CLIC6: variants seen among roughly 807,000 people sequenced by gnomAD.
CLIC6 encodes CLIC family member 6.
A neutral mutation model predicts 49.2 loss-of-function variants in CLIC6; 39 were observed. The ratio of observed to expected loss-of-function variants is 0.79; its 90% CI spans 0.61 to 1.04. The LOEUF (loss-of-function observed/expected upper bound fraction) is 1.04. Among genes scored for constraint, CLIC6 ranks in the 50% least tolerant of loss-of-function variants. The pLI is 0.00. For synonymous variants in CLIC6, 446 were observed against 433.4 expected (o/e 1.03, Z -0.36); for missense variants, 988 against 993.1 (o/e 0.99, Z 0.07).
At chr21:34,709,729 A>G (rs1365123957) in intron 5 of CLIC6, among the ~76,000 whole-genome samples, 191 bp downstream of exon 5, 1 of 152,264 alleles carries the variant, frequency 6.6e-6, no homozygotes, top group Non-Finnish European at 1.5e-5. Context: ...GGGTGTTCTC[A>G]GAAAGTGCCT....
chr21:34,678,573 G>T (rs115036412), intron 1 of CLIC6, among the ~76,000 whole-genome samples: 2,376 of 152,236 alleles, frequency 0.016, 67 homozygotes, highest in African/African-American at 0.054. Flanking sequence ...AGAAAGAACT[G>T]GCAGGTTCTT....
chr21:34,707,837 G>A lies in CLIC6; in HGVS notation c.1485-107G>A, dbSNP rs911034967. On this transcript the variant is annotated intron_variant, in intron 2 of 5. Transcript: ENST00000349499. ...TCATAAACCCACCATCTACTTTGCA[G>A]TTCTCAAGAGTTGCTTCTCTTAAAC... The A allele has an allele frequency of 1.0e-5, 12 of 1,195,590 alleles. No individual in the cohort carries two copies. The African/African-American group carries it at 1.7e-4, about 17-fold the overall frequency. The allele number at this position is 1,195,590 out of a possible 1,614,324, so 74.1% of individuals were successfully genotyped here.
chr21:34,712,235 T>C (rs539085016), intron 5 of CLIC6, among the ~76,000 whole-genome samples: 1 of 152,256 alleles, frequency 6.6e-6, no homozygotes, highest in Admixed American at 6.5e-5. Context: ...TGAGAATCAA[T>C]CTAAGGGAAT....
intron 5 of CLIC6, among the ~76,000 whole-genome samples, chr21:34,711,521 A>AAACT (rs2056056337): frequency 7.5e-6 from 1 of 133,428 alleles, no homozygotes; most frequent in African/African-American, 2.9e-5. Flanking sequence ...TCTGTCAAAT[A>AAACT]AACAAACAAA....
chr21:34,699,525 A>G (rs1339134617), intron 1 of CLIC6, among the ~76,000 whole-genome samples: 1 of 151,016 alleles, frequency 6.6e-6, no homozygotes, highest in Non-Finnish European at 1.5e-5. Context: ...CGGCCTTCCC[A>G]AAGTGCTGAG....
intron 4 of CLIC6, among the ~76,000 whole-genome samples, 177 bp downstream of exon 4, chr21:34,708,983 T>C (rs1322923503): frequency 2.6e-5 from 4 of 152,194 alleles, no homozygotes; most frequent in African/African-American, 9.6e-5. Flanking sequence ...AGATGAATGC[T>C]TCTTTTGAGG....
At position 34,708,754 on chromosome 21, in the gene CLIC6, G is replaced by T. The variant is rs1442931107; in HGVS notation, c.1665G>T (p.Val555=). 3.1e-6 allele frequency: 5 copies of T among 1,614,184 alleles called. No individual in the cohort carries two copies. Among genetic ancestry groups the T allele is most frequent in the Non-Finnish European group, 4.2e-6 (5 of 1,180,016 alleles). Residue 555 remains valine, a synonymous_variant, in exon 4 of 6, where the codon GTG becomes GTT. Transcript: ENST00000349499. ...AATCTAATTCCGCAGGAAATGACGT[G>T]TTTGCCAAATTCTCAGCGTTTATAA... is the stretch of plus-strand genomic sequence containing the variant. ...HPESNSAGND[V]FAKFSAFIKN...
chr21:34,672,771 C>T (rs372840768), intron 1 of CLIC6, among the ~76,000 whole-genome samples: 7 of 152,168 alleles, frequency 4.6e-5, no homozygotes, highest in East Asian at 3.9e-4. Context: ...TGCCGTGTGA[C>T]CTTGGGCAAG....
At chr21:34,698,018 T>C (rs965634068) in intron 1 of CLIC6, among the ~76,000 whole-genome samples, 2 of 152,174 alleles carry the variant, frequency 1.3e-5, no homozygotes, top group African/African-American at 2.4e-5. Flanking sequence ...AGGAATCTCA[T>C]AGGCCTGTGA....
At chr21:34,671,360 G>A (rs973060843) in intron 1 of CLIC6, among the ~76,000 whole-genome samples, 1 of 152,146 alleles carries the variant, frequency 6.6e-6, no homozygotes, top group Non-Finnish European at 1.5e-5. Context: ...AGGGGGGAAT[G>A]GAGCCTTATT....
At chr21:34,691,030 T>C (rs949735590) in intron 1 of CLIC6, among the ~76,000 whole-genome samples, 1 of 152,168 alleles carries the variant, frequency 6.6e-6, no homozygotes, top group Non-Finnish European at 1.5e-5. Context: ...CATATAGTTG[T>C]AGTCACTCAC....
intron 1 of CLIC6, among the ~76,000 whole-genome samples, chr21:34,685,812 G>A (rs1413614563): frequency 6.6e-6 from 1 of 152,176 alleles, no homozygotes; most frequent in Non-Finnish European, 1.5e-5. Flanking sequence ...TCACTCTCCA[G>A]GTATTGAGGC....
intron 1 of CLIC6, among the ~76,000 whole-genome samples, chr21:34,699,535 G>A (rs1990149552): frequency 6.6e-6 from 1 of 151,454 alleles, no homozygotes; most frequent in Non-Finnish European, 1.5e-5. Flanking sequence ...AAAGTGCTGA[G>A]ATTACAGGTG....
At chr21:34,696,766 C>A (rs2186287) in intron 1 of CLIC6, among the ~76,000 whole-genome samples, 61,604 of 151,846 alleles carry the variant, frequency 0.41, 14,122 homozygotes, top group African/African-American at 0.63. Flanking sequence ...TTTTGCTCAT[C>A]ATCACATTTG....
rs2056028519 is a variant in CLIC6, at chr21:34,708,044, T to G, written c.1585T>G (p.Leu529Val). 1.2e-6 allele frequency: 2 copies of G among 1,614,040 alleles called. No individual in the cohort carries two copies. The highest frequency in any genetic ancestry group is 1.1e-5 in the South Asian group (1 of 91,080). Reference sequence around the variant, plus strand: ...GGATGTGAATAAGATCGAGGAGTTCTTAGAGGAGAAATTAGCTCCCCCGAG... The same window carrying G: ...GGATGTGAATAAGATCGAGGAGTTCGTAGAGGAGAAATTAGCTCCCCCGAG... ...KTDVNKIEEF[L>V]EEKLAPPRYP... Residue 529 changes from leucine to valine, a missense_variant, in exon 3 of 6, where the codon TTA becomes GTA. Physicochemically the swap from Leu to Val is conservative, Grantham distance 32 (BLOSUM62 1). Coordinates refer to ENST00000349499, the MANE Select transcript of CLIC6 (RefSeq NM_053277.3).
chr21:34,699,111 T>C (rs1223129129), intron 1 of CLIC6, among the ~76,000 whole-genome samples: 1 of 152,226 alleles, frequency 6.6e-6, no homozygotes, highest in Non-Finnish European at 1.5e-5. Flanking sequence ...TTCAGTTTCC[T>C]TGTTTATAAA....
chr21:34,716,862 T>TCTCTCTCTCTCTCACACACACACA lies in CLIC6; in HGVS notation c.*381_*382insTCTCTCTCTCTCACACACACACAC. ...CTCTCTCTCTCTCTCTCTCTCTCTA[T>TCTCTCTCTCTCTCACACACACACA]CACACACACACACACACACACACAC... On this transcript the variant is annotated 3_prime_UTR_variant, in exon 6 of 6. Transcript: ENST00000349499. 1 of 131,634 alleles carries TCTCTCTCTCTCTCACACACACACA rather than the reference T, an allele frequency of 7.6e-6. No homozygotes were observed. The highest frequency in any genetic ancestry group is 3.2e-5 in the African/African-American group (1 of 31,214). 8.2% of individuals were successfully genotyped at this position (131,634 alleles called of 1,614,324 possible). A position where few individuals can be genotyped will look rare whatever the true frequency, so the allele number is the denominator to read the frequency against.
At chr21:34,709,330 T>C in intron 4 of CLIC6, 27 bp from the exon 5 acceptor site, 4 of 1,598,038 alleles carry the variant, frequency 2.5e-6, no homozygotes, top group Non-Finnish European at 3.4e-6. Context: ...AAACCTCTCT[T>C]TGTGATTTCT....
chr21:34,689,987 G>A (rs1158371753), intron 1 of CLIC6, among the ~76,000 whole-genome samples: 1 of 152,158 alleles, frequency 6.6e-6, no homozygotes, highest in Non-Finnish European at 1.5e-5. Flanking sequence ...CTAGTCTTGA[G>A]GCTAGACAAG....
Sources: gnomAD v4.1 joint callset for allele counts (sites outside exome capture counted in the v4.1 genomes callset) on GRCh38, gnomAD v4.1.1 for gene constraint, MANE v1.5 for transcripts, NCBI Gene and HGNC (gene_info 2026-07-23, HGNC 2026-07-21) for gene names.